Variants in BMP6 observed in about 807,000 individuals in gnomAD.
BMP6 encodes the protein bone morphogenetic protein 6.
In BMP6, 17 loss-of-function variants were observed where a neutral mutation model predicts 54.1. The ratio of observed to expected loss-of-function variants is 0.31; its 90% confidence interval spans 0.22 to 0.47. The LOEUF is 0.47. BMP6 is among the 20% of genes least tolerant of loss of function. The pLI is 1.00. For missense variants in BMP6, 720 were observed against 690.4 expected (o/e 1.04, Z -0.48); for synonymous variants, 328 against 291.2 (o/e 1.13, Z -1.28).
chr6:7,868,821 C>T (rs1236020952), intron 4 of BMP6, among the ~76,000 whole-genome samples: 2 of 152,316 alleles, frequency 1.3e-5, no homozygotes, highest in East Asian at 1.9e-4. Flanking sequence ...AGCCGAGTGG[C>T]CCCTCTGCAG....
chr6:7,735,098 G>A (rs997636872), intron 1 of BMP6, among the ~76,000 whole-genome samples: 7 of 152,340 alleles, frequency 4.6e-5, no homozygotes, highest in African/African-American at 7.2e-5. Flanking sequence ...TTCACAGGGC[G>A]CAGAAAACAG....
intron 1 of BMP6, among the ~76,000 whole-genome samples, chr6:7,795,726 A>G (rs1758181730): frequency 1.3e-5 from 2 of 152,184 alleles, no homozygotes; most frequent in African/African-American, 4.8e-5. Context: ...GGGATGGAAC[A>G]GAAGGAGAGC....
In BMP6 at chr6:7,736,456, C is replaced by G. The variant is rs541441230; in HGVS notation, c.664+8837C>G. 4.6e-5 allele frequency among the ~76,000 whole-genome samples: 7 copies of G among 152,326 alleles called. No homozygotes were observed. The South Asian group carries it at 1.4e-3, about 32-fold the overall frequency. Reference sequence around the variant, plus strand: ...TGTGACTTTAGAATTGAGAAACTGACAAAATATCGTACTGGCCCTAAGGGC... The same window carrying G: ...TGTGACTTTAGAATTGAGAAACTGAGAAAATATCGTACTGGCCCTAAGGGC... On this transcript the variant is annotated intron_variant, in intron 1 of 6. Coordinates refer to ENST00000283147, the MANE Select transcript of BMP6 (RefSeq NM_001718.6).
chr6:7,764,435 C>T (rs904753037), intron 1 of BMP6, among the ~76,000 whole-genome samples: 2 of 152,190 alleles, frequency 1.3e-5, no homozygotes, highest in Non-Finnish European at 2.9e-5. Context: ...TCAATTACTG[C>T]TAAGCTGAAG....
At chr6:7,836,114 C>A (rs997819519) in intron 1 of BMP6, among the ~76,000 whole-genome samples, 1 of 151,948 alleles carries the variant, frequency 6.6e-6, no homozygotes, top group African/African-American at 2.4e-5. Context: ...CTGGAATTAC[C>A]CGTGTGAGCC....
chr6:7,875,212 C>A (rs901140226), intron 4 of BMP6, among the ~76,000 whole-genome samples: 3 of 152,098 alleles, frequency 2.0e-5, no homozygotes, highest in African/African-American at 7.2e-5. Flanking sequence ...AGACAATGAC[C>A]CAGCTCGATA....
At chr6:7,849,949 T>C (rs1759118789) in intron 2 of BMP6, among the ~76,000 whole-genome samples, 1 of 152,240 alleles carries the variant, frequency 6.6e-6, no homozygotes, top group African/African-American at 2.4e-5. Context: ...AATTTAAAAT[T>C]TATGTTCCAT....
intron 1 of BMP6, among the ~76,000 whole-genome samples, chr6:7,791,457 G>A (rs1440102206): frequency 2.0e-5 from 3 of 152,010 alleles, no homozygotes; most frequent in Non-Finnish European, 4.4e-5. Flanking sequence ...CACTGCCTCT[G>A]GCCCCTTAAA....
chr6:7,829,740 T>C (rs992913761), intron 1 of BMP6, among the ~76,000 whole-genome samples: 13 of 152,074 alleles, frequency 8.5e-5, no homozygotes, highest in African/African-American at 2.7e-4. Context: ...CATGTAGCAC[T>C]GTTGGGCGTC....
chr6:7,805,712 G>A (rs577467838), intron 1 of BMP6, among the ~76,000 whole-genome samples: 6 of 152,178 alleles, frequency 3.9e-5, no homozygotes, highest in Non-Finnish European at 7.3e-5. Context: ...GAGCTCTTCC[G>A]TTTTAAAAGA....
At chr6:7,755,631 A>G (rs57561921) in intron 1 of BMP6, among the ~76,000 whole-genome samples, 2,328 of 152,160 alleles carry the variant, frequency 0.015, 52 homozygotes, top group African/African-American at 0.04. Flanking sequence ...ACCATTTCTC[A>G]CACTCTTTAT....
chr6:7,779,206 G>T (rs750603125), intron 1 of BMP6, among the ~76,000 whole-genome samples: 1 of 152,240 alleles, frequency 6.6e-6, no homozygotes, highest in East Asian at 1.9e-4. Flanking sequence ...AATCCAGTAC[G>T]TTATTGAAGT....
intron 1 of BMP6, among the ~76,000 whole-genome samples, chr6:7,729,432 C>T (rs1464475582): frequency 6.6e-6 from 1 of 151,836 alleles, no homozygotes; most frequent in African/African-American, 2.4e-5. Context: ...GCGCTCCTGG[C>T]TACTTCACAG....
At chr6:7,735,458 G>A (rs1035614729) in intron 1 of BMP6, among the ~76,000 whole-genome samples, 2 of 152,090 alleles carry the variant, frequency 1.3e-5, no homozygotes, top group Admixed American at 6.5e-5. Context: ...CAAAGACTGA[G>A]TTTTGTAAAC....
chr6:7,880,757 T>G lies in BMP6; in HGVS notation c.*414T>G, dbSNP rs917100355. On this transcript the variant is annotated 3_prime_UTR_variant, in exon 7 of 7. Coordinates refer to ENST00000283147, the MANE Select transcript of BMP6 (RefSeq NM_001718.6). ...GCTAAAGGATCAGCTGGTTCAGTAC[T>G]GTCTATCAAAGGTAGATTTTACAGA... 4.4e-6 allele frequency: 1 copy of G among 224,752 alleles called. No individual in the cohort carries two copies. The highest frequency in any genetic ancestry group is 2.3e-5 in the African/African-American group (1 of 44,180). The allele number at this position is 224,752 out of a possible 1,614,324, so 13.9% of individuals were successfully genotyped here.
chr6:7,752,808 A>G (rs1757447233), intron 1 of BMP6, among the ~76,000 whole-genome samples: 1 of 152,154 alleles, frequency 6.6e-6, no homozygotes, highest in Non-Finnish European at 1.5e-5. Context: ...TATAATTTAG[A>G]TATCAGCACA....
At chr6:7,771,511 G>A (rs896381265) in intron 1 of BMP6, among the ~76,000 whole-genome samples, 1 of 152,200 alleles carries the variant, frequency 6.6e-6, no homozygotes, top group African/African-American at 2.4e-5. Flanking sequence ...TGCAGATGAG[G>A]AAACTGAGGC....
intron 1 of BMP6, among the ~76,000 whole-genome samples, chr6:7,767,350 C>A (rs1035795274): frequency 1.3e-5 from 2 of 152,136 alleles, no homozygotes; most frequent in Non-Finnish European, 2.9e-5. Flanking sequence ...CCAATGAGGT[C>A]ATTCATTTCT....
At chr6:7,738,149 G>A (rs1355401495) in intron 1 of BMP6, among the ~76,000 whole-genome samples, 1 of 152,104 alleles carries the variant, frequency 6.6e-6, no homozygotes, top group Middle Eastern at 3.2e-3. Flanking sequence ...CTCTCTTTGA[G>A]GTTTACAAAT....
Sources: allele counts gnomAD v4.1 joint callset (sites outside exome capture counted in the v4.1 genomes callset), GRCh38; gene constraint gnomAD v4.1.1; transcripts MANE v1.5; gene names NCBI Gene and HGNC (gene_info 2026-07-23, HGNC 2026-07-21).